TRPC4AP: variants seen among roughly 807,000 people sequenced by gnomAD.
TRPC4AP encodes the protein transient receptor potential cation channel subfamily C member 4 associated protein.
TRPC4AP carries 45 observed loss-of-function variants against 99.0 expected under a neutral mutation model. The observed-to-expected ratio is 0.45, with a 90% confidence interval of 0.36 to 0.58. The LOEUF (loss-of-function observed/expected upper bound fraction) is 0.58, where lower values mean the gene tolerates loss of function less well. Among genes scored for constraint, TRPC4AP ranks in the 20% least tolerant of loss-of-function variants. The pLI is 0.00. For missense variants in TRPC4AP, 879 were observed against 985.3 expected, an observed-to-expected ratio of 0.89 and a Z score of 1.44; for synonymous variants, 408 against 385.8, an observed-to-expected ratio of 1.06 and a Z score of -0.67.
chr20:35,017,229 T>C (rs1374919949), intron 9 of TRPC4AP, among the ~76,000 whole-genome samples: 2 of 152,152 alleles, frequency 1.3e-5, no homozygotes, highest in Non-Finnish European at 2.9e-5. Context: ...TGCCGAGAGA[T>C]AATACTGGGA....
chr20:35,030,297 ATTT>A (rs1054865374), intron 8 of TRPC4AP: 2 of 150,690 alleles, frequency 1.3e-5, no homozygotes, highest in African/African-American at 4.9e-5. Flanking sequence ...TCTTTTCCAG[ATTT>A]TTTTTAAAAA....
intron 1 of TRPC4AP, among the ~76,000 whole-genome samples, chr20:35,091,113 T>G (rs1345124858): frequency 6.6e-6 from 1 of 151,134 alleles, no homozygotes; most frequent in Admixed American, 6.6e-5. Context: ...GCTCAGGTAA[T>G]CCTCCCACCT....
intron 2 of TRPC4AP, among the ~76,000 whole-genome samples, chr20:35,077,742 TGTCATCCCAATCACAGGATA>T (rs1311136839): frequency 6.6e-6 from 1 of 152,130 alleles, no homozygotes; most frequent in Non-Finnish European, 1.5e-5. Context: ...TCAAAAAGAA[TGTCATCCCAATCACAGGATA>T]GTGTTGACCT....
At chr20:35,072,520 A>C (rs1411713053) in intron 2 of TRPC4AP, among the ~76,000 whole-genome samples, 1 of 152,132 alleles carries the variant, frequency 6.6e-6, no homozygotes, top group Non-Finnish European at 1.5e-5. Context: ...TTTTCCCAGC[A>C]CTATTTATTA....
chr20:35,091,966 C>G (rs181154318), intron 1 of TRPC4AP, among the ~76,000 whole-genome samples: 2 of 151,726 alleles, frequency 1.3e-5, no homozygotes, highest in Admixed American at 1.3e-4. Flanking sequence ...TCCAGAGTCC[C>G]TCTTAACCGT....
Position 35,003,596 on chromosome 20 carries a change from G to A in TRPC4AP, c.2070C>T (p.Asn690=), listed in dbSNP as rs202047781. 41 of 1,613,912 alleles carry A rather than the reference G, an allele frequency of 2.5e-5. No individual in the cohort carries two copies. In the East Asian group the frequency reaches 6.0e-4, roughly 24 times the overall value. ...CCAGCATCAGGATCACCAGGCTGGT[G>A]TTGAGGCAGCTGACGTTCTCCTGCA... ...TLTQENVSCL[N]TSLVILMLAR... Residue 690 remains asparagine, a synonymous_variant, in exon 18 of 19, where the codon AAC becomes AAT. Transcript: ENST00000252015.
At chr20:35,044,412 AAAAG>A (rs1250265035) in intron 7 of TRPC4AP, 89 bp downstream of exon 7, 118 of 1,288,690 alleles carry the variant, frequency 9.2e-5, no homozygotes, top group African/African-American at 1.2e-4. Context: ...AAAAAAAAAA[AAAAG>A]AAAAGAAAAG....
intron 9 of TRPC4AP, among the ~76,000 whole-genome samples, chr20:35,019,078 G>C (rs919463081): frequency 1.3e-5 from 2 of 152,238 alleles, no homozygotes; most frequent in African/African-American, 4.8e-5. Context: ...AGATTGGTCT[G>C]AGAACTTGGC....
chr20:35,086,593 G>A lies in TRPC4AP; in HGVS notation c.168+6021C>T, dbSNP rs1245389647. Among the ~76,000 whole-genome samples, 3 of 148,686 alleles carry A rather than the reference G, an allele frequency of 2.0e-5. 1 individual carries two copies. Among genetic ancestry groups the A allele is most frequent in the Non-Finnish European group, 4.5e-5 (3 of 67,388 alleles). On this transcript the variant is annotated intron_variant, in intron 1 of 18. Transcript: ENST00000252015. Reference sequence around the variant, plus strand: ...TGTGTGTGTATATATATATGAATAAGACTTTATCCTAATCAGGAGTTTTTC... The same window carrying A: ...TGTGTGTGTATATATATATGAATAAAACTTTATCCTAATCAGGAGTTTTTC...
At chr20:35,071,981 C>T (rs1268793851) in intron 2 of TRPC4AP, among the ~76,000 whole-genome samples, 1 of 152,226 alleles carries the variant, frequency 6.6e-6, no homozygotes, top group African/African-American at 2.4e-5. Context: ...GCCATTCTAA[C>T]TAGTGTGAGA....
chr20:35,053,786 A>C (rs2083756853), intron 5 of TRPC4AP, among the ~76,000 whole-genome samples: 1 of 152,246 alleles, frequency 6.6e-6, no homozygotes, highest in African/African-American at 2.4e-5. Context: ...ACACTGTGTT[A>C]AACAGAATTT....
intron 1 of TRPC4AP, among the ~76,000 whole-genome samples, chr20:35,089,704 C>A (rs1183421913): frequency 6.6e-6 from 1 of 152,074 alleles, no homozygotes; most frequent in African/African-American, 2.4e-5. Context: ...CAAAAAGTAG[C>A]CAGGTGTGGT....
chr20:35,075,447 G>A (rs111590598), intron 2 of TRPC4AP, among the ~76,000 whole-genome samples: 1 of 152,200 alleles, frequency 6.6e-6, no homozygotes, highest in Non-Finnish European at 1.5e-5. Context: ...TTGTAAGGCA[G>A]GCCTGGTGGT....
At chr20:35,092,517 G>A in intron 1 of TRPC4AP, 97 bp downstream of exon 1, 1 of 1,351,906 alleles carries the variant, frequency 7.4e-7, no homozygotes, top group Non-Finnish European at 9.6e-7. Context: ...AAGGGCTTTG[G>A]CCCGTCCAGC....
At chr20:35,022,867 T>TA (rs1048468778) in intron 8 of TRPC4AP, among the ~76,000 whole-genome samples, 1 of 151,776 alleles carries the variant, frequency 6.6e-6, no homozygotes, top group Non-Finnish European at 1.5e-5. Flanking sequence ...TAAAAAAATT[T>TA]AAAAAATTAG....
At chr20:35,025,451 G>GT (rs1272358125) in intron 8 of TRPC4AP, among the ~76,000 whole-genome samples, 1 of 152,118 alleles carries the variant, frequency 6.6e-6, no homozygotes, top group Non-Finnish European at 1.5e-5. Flanking sequence ...GGGATTACAG[G>GT]TGCCAGCCAC....
intron 2 of TRPC4AP, among the ~76,000 whole-genome samples, chr20:35,077,040 C>T (rs182599601): frequency 1.6e-4 from 25 of 152,314 alleles, no homozygotes; most frequent in Admixed American, 1.5e-3. Flanking sequence ...AGCAAGGCTC[C>T]GTGGGCATGG....
intron 3 of TRPC4AP, among the ~76,000 whole-genome samples, chr20:35,060,077 T>C (rs571115541): frequency 3.3e-5 from 5 of 151,792 alleles, no homozygotes; most frequent in East Asian, 3.9e-4. Context: ...GCTCCATTGG[T>C]GAACAATACA....
chr20:35,078,200 TA>T, intron 1 of TRPC4AP, 26 bp from the exon 2 acceptor site: 1 of 1,604,946 alleles, frequency 6.2e-7, no homozygotes, highest in Admixed American at 1.7e-5. Context: ...AGAGAGAACA[TA>T]TTATTGTATT....
Sources: gnomAD v4.1 joint callset for allele counts (sites outside exome capture counted in the v4.1 genomes callset) on GRCh38, gnomAD v4.1.1 for gene constraint, MANE v1.5 for transcripts, NCBI Gene and HGNC (gene_info 2026-07-23, HGNC 2026-07-21) for gene names.